The following ZSCAN5A variants were observed in gnomAD, a reference collection of about 807,000 sequenced individuals.
ZSCAN5A encodes zinc finger and SCAN domain-containing protein 5A.
In ZSCAN5A, 12 loss-of-function variants were observed where a neutral mutation model predicts 23.7. The ratio of observed to expected loss-of-function variants is 0.51; its 90% confidence interval spans 0.32 to 0.82. ZSCAN5A has a LOEUF of 0.82. ZSCAN5A is among the 40% of genes least tolerant of loss of function. The pLI, the probability that ZSCAN5A is intolerant of heterozygous loss-of-function variation, is 0.03. For missense variants in ZSCAN5A, 597 were observed against 617.9 expected, an observed-to-expected ratio of 0.97 and a Z score of 0.36; for synonymous variants, 257 against 239.9, an observed-to-expected ratio of 1.07 and a Z score of -0.66.
chr19:56,259,588 G>T lies in ZSCAN5A; in HGVS notation c.-127-34415C>A, dbSNP rs180674391. 3.2e-4 allele frequency among the ~76,000 whole-genome samples: 49 copies of T among 152,328 alleles called. 1 individual carries two copies. Among genetic ancestry groups the T allele is most frequent in the Admixed American group, 2.8e-3 (43 of 15,304 alleles). ...GTGTGTACTAAAAATTTTAGTGGCA[G>T]AAAATTCATGTGTTTGAGTAGCTAA... On this transcript the variant is annotated intron_variant, in intron 2 of 5. Transcript: ENST00000683990.
At chr19:56,247,552 T>C (rs2036017653) in intron 2 of ZSCAN5A, 1 of 156,906 alleles carries the variant, frequency 6.4e-6, no homozygotes, top group Non-Finnish European at 1.4e-5. Flanking sequence ...CAAGGGCGCC[T>C]GGCACACAGA....
chr19:56,321,713 G>T, intron 2 of ZSCAN5A: 2 of 1,412,946 alleles, frequency 1.4e-6, no homozygotes, highest in Non-Finnish European at 2.0e-6. Context: ...ATGTTCAAGG[G>T]CTCTTGATTT....
chr19:56,349,418 C>G (rs898185796), intron 2 of ZSCAN5A, among the ~76,000 whole-genome samples: 7 of 152,172 alleles, frequency 4.6e-5, no homozygotes, highest in Admixed American at 3.3e-4. Flanking sequence ...AGATCTTGGC[C>G]GAGCGCGGTG....
At chr19:56,293,320 T>A (rs1021553286) in intron 2 of ZSCAN5A, among the ~76,000 whole-genome samples, 2 of 152,174 alleles carry the variant, frequency 1.3e-5, no homozygotes, top group African/African-American at 4.8e-5. Context: ...GCCAGTCAGG[T>A]GCAGAGAATA....
At chr19:56,348,227 G>GA (rs2041646888) in intron 2 of ZSCAN5A, 1 of 152,194 alleles carries the variant, frequency 6.6e-6, no homozygotes, top group Non-Finnish European at 1.5e-5. Context: ...AAACACTAGA[G>GA]CTAGTCTCTC....
intron 2 of ZSCAN5A, among the ~76,000 whole-genome samples, chr19:56,335,485 T>A (rs4801709): frequency 1.3e-5 from 2 of 152,206 alleles, no homozygotes; most frequent in African/African-American, 4.8e-5. Flanking sequence ...TGTCTCTGCA[T>A]GTGAGATGAG....
chr19:56,304,603 T>C (rs902458487), intron 2 of ZSCAN5A, among the ~76,000 whole-genome samples: 3 of 150,342 alleles, frequency 2.0e-5, no homozygotes, highest in Non-Finnish European at 4.4e-5. Context: ...GGGAAGAAGG[T>C]GGGAGTGGTG....
At chr19:56,318,963 T>C (rs1333962049), upstream of ZSCAN5A, among the ~76,000 whole-genome samples, 3 of 152,192 alleles carry the variant, frequency 2.0e-5, no homozygotes, top group Non-Finnish European at 2.9e-5. Flanking sequence ...TATCCAACTC[T>C]CTAGCACAGA....
intron 2 of ZSCAN5A, chr19:56,283,960 T>A (rs998951490): frequency 6.5e-6 from 1 of 152,732 alleles, no homozygotes; most frequent in African/African-American, 2.4e-5. Context: ...CTTCCCTGCA[T>A]CAAATGCACG....
At chr19:56,234,105 AGAG>A (rs1288873437) in intron 2 of ZSCAN5A, among the ~76,000 whole-genome samples, 1 of 152,176 alleles carries the variant, frequency 6.6e-6, no homozygotes, top group Non-Finnish European at 1.5e-5. Context: ...TGTCAGTAGG[AGAG>A]GAGGTGTGTG....
chr19:56,325,806 TAG>T (rs1568752802), intron 2 of ZSCAN5A, among the ~76,000 whole-genome samples: 1 of 152,154 alleles, frequency 6.6e-6, no homozygotes, highest in African/African-American at 2.4e-5. Context: ...TCAAGAGGAT[TAG>T]AGTGTGGTGT....
intron 2 of ZSCAN5A, among the ~76,000 whole-genome samples, chr19:56,240,464 C>G (rs1054389415): frequency 3.9e-5 from 6 of 152,006 alleles, no homozygotes; most frequent in Non-Finnish European, 4.4e-5. Context: ...CATAAATAGG[C>G]GCAGTTCAGC....
intron 2 of ZSCAN5A, among the ~76,000 whole-genome samples, chr19:56,261,271 C>T (rs564056499): frequency 6.6e-6 from 1 of 152,118 alleles, no homozygotes; most frequent in Admixed American, 6.5e-5. Flanking sequence ...AAGTCCAAAG[C>T]CTGGCTGATG....
chr19:56,249,753 C>T (rs1022906444), intron 2 of ZSCAN5A, among the ~76,000 whole-genome samples: 2 of 152,164 alleles, frequency 1.3e-5, no homozygotes, highest in South Asian at 2.1e-4. Flanking sequence ...AGTGTTGATA[C>T]GATGGCCTCC....
intron 2 of ZSCAN5A, among the ~76,000 whole-genome samples, chr19:56,232,670 T>G (rs1201826967): frequency 9.1e-6 from 1 of 110,448 alleles, no homozygotes; most frequent in East Asian, 3.1e-4. Flanking sequence ...TAGGCTAATT[T>G]TTTTTTCTTT....
At chr19:56,254,241 C>T (rs368775417) in intron 2 of ZSCAN5A, among the ~76,000 whole-genome samples, 2 of 151,056 alleles carry the variant, frequency 1.3e-5, no homozygotes. Flanking sequence ...CAAAGTATTA[C>T]ATAAACTTTG....
intron 2 of ZSCAN5A, among the ~76,000 whole-genome samples, chr19:56,306,050 G>T (rs1446010058): frequency 6.6e-6 from 1 of 152,116 alleles, no homozygotes. Context: ...AGACCTGGAA[G>T]ATTAGAGCAA....
rs979117785 is a variant in ZSCAN5A at position 56,355,703 on chromosome 19, G to A, written c.-358+7532C>T. On this transcript the variant is annotated intron_variant, in intron 2 of 6. Coordinates refer to the ZSCAN5A transcript ENST00000587340. ...GCAAATAGTGCAAGATGTTTGAAGC[G>A]CAGTTTGTGTGTGTTTAAACTGGCA... Among the ~76,000 whole-genome samples, 7 of 148,994 alleles carry A rather than the reference G, an allele frequency of 4.7e-5. 1 individual carries two copies. The highest frequency in any genetic ancestry group is 1.0e-4 in the African/African-American group (4 of 39,686).
chr19:56,355,419 T>G (rs2041695080), intron 2 of ZSCAN5A, among the ~76,000 whole-genome samples: 2 of 149,004 alleles, frequency 1.3e-5, no homozygotes, highest in Admixed American at 1.3e-4. Flanking sequence ...CAGGTTCATT[T>G]ATTTTACTGT....
Sources: allele counts gnomAD v4.1 joint callset (sites outside exome capture counted in the v4.1 genomes callset), GRCh38; gene constraint gnomAD v4.1.1; transcripts MANE v1.5; gene names NCBI Gene and HGNC (gene_info 2026-07-23, HGNC 2026-07-21).